FBP1: variants seen among roughly 807,000 people sequenced by gnomAD.
The protein encoded by FBP1 is fructose-1,6-bisphosphatase 1.
Under a neutral mutation model 29.9 loss-of-function variants are expected in FBP1, and 22 were observed. The observed-to-expected ratio is 0.74, with a 90% CI of 0.53 to 1.05. The LOEUF (loss-of-function observed/expected upper bound fraction) is 1.05. Ranked by LOEUF, FBP1 falls within the 50% of genes least tolerant of loss-of-function variation. FBP1 has a pLI of 0.00. For missense variants in FBP1, 345 were observed against 448.2 expected (o/e 0.77, Z 2.08); for synonymous variants, 175 against 178.6 (o/e 0.98, Z 0.16).
At chr9:94,624,324 C>A (rs1395061966) in intron 1 of FBP1, among the ~76,000 whole-genome samples, 1 of 98,206 alleles carries the variant, frequency 1.0e-5, no homozygotes, top group Admixed American at 1.3e-4. Flanking sequence ...GGCGACAAAG[C>A]GAGACTCCAT....
Position 94,603,423 on chromosome 9 carries a change from C to G in FBP1, c.975G>C (p.Val325=), listed in dbSNP as rs755592533. The part of the protein sequence containing the change: ...APVILGSPDD[V]LEFLKVYEKH... The stretch of plus-strand genomic sequence containing the variant: ...TCTCATACACCTTCAGGAACTCGAG[C>G]ACGTCGTCGGGGGATCCCAAGATCA... The change falls in exon 7 of 7, where the codon GTG becomes GTC. Residue 325 remains valine (V), a synonymous_variant. Transcript: ENST00000375326. 2.5e-6 allele frequency: 4 copies of G among 1,614,060 alleles called. No individual in the cohort carries two copies. Among genetic ancestry groups the G allele is most frequent in the Non-Finnish European group, 3.4e-6 (4 of 1,179,994 alleles).
chr9:94,636,691 C>CT (rs201439942), intron 1 of FBP1, among the ~76,000 whole-genome samples: 1 of 151,434 alleles, frequency 6.6e-6, no homozygotes, highest in Non-Finnish European at 1.5e-5. Context: ...ATGACAAGCC[C>CT]TTTTTTTTCT....
chr9:94,619,214 T>G (rs1362690187), intron 2 of FBP1, among the ~76,000 whole-genome samples: 2 of 152,088 alleles, frequency 1.3e-5, no homozygotes, highest in Non-Finnish European at 2.9e-5. Context: ...AAACATGAAC[T>G]TCAAGTCTGG....
intron 1 of FBP1, among the ~76,000 whole-genome samples, chr9:94,625,573 A>T (rs1489808092): frequency 6.6e-6 from 1 of 152,176 alleles, no homozygotes; most frequent in Non-Finnish European, 1.5e-5. Context: ...AGGCGAGCGG[A>T]TCACGAGGTC....
chr9:94,617,760 C>T lies in FBP1; in HGVS notation c.426+8G>A, dbSNP rs761151223. 1.4e-5 allele frequency: 23 copies of T among 1,588,702 alleles called. No homozygotes were observed. Among genetic ancestry groups the T allele is most frequent in the East Asian group, 8.9e-5 (4 of 44,736 alleles). ...CCCAAACCAAGTGCTTAAGATATCA[C>T]GTTTTACCTTTCTATAGATGCCAAA... On this transcript the variant is annotated splice_region_variant and intron_variant, in intron 3 of 6. Coordinates refer to ENST00000375326, the MANE Select transcript of FBP1 (RefSeq NM_000507.4).
chr9:94,613,153 G>C (rs1827810173), intron 3 of FBP1, among the ~76,000 whole-genome samples: 1 of 152,126 alleles, frequency 6.6e-6, no homozygotes, highest in South Asian at 2.1e-4. Flanking sequence ...CTACTTTTCT[G>C]AATCTCTGCT....
At chr9:94,629,448 A>G (rs1255352192) in intron 1 of FBP1, among the ~76,000 whole-genome samples, 2 of 152,240 alleles carry the variant, frequency 1.3e-5, no homozygotes, top group African/African-American at 4.8e-5. Context: ...GCCTTGGCCT[A>G]GAAAATGGAA....
intron 4 of FBP1, among the ~76,000 whole-genome samples, chr9:94,609,081 T>C (rs937089616): frequency 1.3e-5 from 2 of 151,420 alleles, no homozygotes; most frequent in Admixed American, 6.6e-5. Flanking sequence ...TCCCAGCTAC[T>C]CAGGAGCTGA....
rs768753487 is a variant in FBP1 at position 94,639,167 on chromosome 9, C to A, written c.144G>T (p.Ala48=). The part of the protein sequence containing the change: ...LCTAVKAISS[A]VRKAGIAHLY... ...GGTGCGCGATGCCCGCCTTGCGCACCGCCGAAGAGATGGCTTTGACTGCTG... is the reference window on the plus strand; with the variant it reads ...GGTGCGCGATGCCCGCCTTGCGCACAGCCGAAGAGATGGCTTTGACTGCTG... The change falls in exon 1 of 7, where the codon GCG becomes GCT. Residue 48 remains alanine, a synonymous_variant. Transcript: ENST00000375326. 4 of 1,604,450 alleles carry A rather than the reference C, an allele frequency of 2.5e-6. No homozygotes were observed. Among genetic ancestry groups the A allele is most frequent in the Non-Finnish European group, 3.4e-6 (4 of 1,175,850 alleles).
At chr9:94,637,290 C>A (rs547200840) in intron 1 of FBP1, among the ~76,000 whole-genome samples, 2 of 152,188 alleles carry the variant, frequency 1.3e-5, no homozygotes, top group South Asian at 4.1e-4. Flanking sequence ...GAAAAGGAAT[C>A]TAGATTGCAG....
chr9:94,636,811 C>T lies in FBP1; in HGVS notation c.170+2330G>A, dbSNP rs1484449899. On this transcript the variant is annotated intron_variant, in intron 1 of 6. Coordinates refer to ENST00000375326, the MANE Select transcript of FBP1 (RefSeq NM_000507.4). ...TCAAGCAATTCTCCTGCCTCAGCCT[C>T]CCAAGTAGCTGGGATTACAGGCGCC... is the stretch of plus-strand genomic sequence containing the variant. Among the ~76,000 whole-genome samples the T allele has an allele frequency of 3.3e-5, 5 of 152,168 alleles. No individual in the cohort carries two copies. In the East Asian group the frequency reaches 5.8e-4, roughly 18 times the overall value.
At chr9:94,609,879 C>G in intron 4 of FBP1, 42 bp downstream of exon 4, 1 of 1,611,370 alleles carries the variant, frequency 6.2e-7, no homozygotes, top group Non-Finnish European at 8.5e-7. Context: ...CATTTGCTCA[C>G]AGACACCAGC....
chr9:94,613,221 T>C (rs1332098548), intron 3 of FBP1, among the ~76,000 whole-genome samples: 3 of 152,082 alleles, frequency 2.0e-5, no homozygotes, highest in Non-Finnish European at 4.4e-5. Context: ...TAGAGGGTGA[T>C]CAGGCTAGAG....
chr9:94,620,029 G>A (rs1587860359), intron 2 of FBP1, among the ~76,000 whole-genome samples: 1 of 152,120 alleles, frequency 6.6e-6, no homozygotes, highest in African/African-American at 2.4e-5. Flanking sequence ...AGTACAAGAG[G>A]TGACCAACAG....
Position 94,639,390 on chromosome 9 carries a change from G to C in FBP1, c.-80C>G. On this transcript the variant is annotated 5_prime_UTR_variant, in exon 1 of 7. Transcript: ENST00000375326. ...CAGGTGCGGGCGGCAAGAGAGGGCA[G>C]TAGGCACTGGCCGCAGGTGCGGAGC... 1 of 1,491,174 alleles carries C rather than the reference G, an allele frequency of 6.7e-7. No individual in the cohort carries two copies. Among genetic ancestry groups the C allele is most frequent in the African/African-American group, 1.4e-5 (1 of 72,104 alleles). 92.4% of individuals were successfully genotyped at this position (1,491,174 alleles called of 1,614,324 possible). A position where few individuals can be genotyped will look rare whatever the true frequency, so the allele number is the denominator to read the frequency against.
intron 1 of FBP1, among the ~76,000 whole-genome samples, chr9:94,632,768 G>T (rs1214353077): frequency 6.6e-6 from 1 of 152,204 alleles, no homozygotes; most frequent in Admixed American, 6.5e-5. Context: ...AGTCTCTGAG[G>T]CTGTCTCCAT....
At position 94,616,502 on chromosome 9, in the gene FBP1, G is replaced by A. The variant is rs1166289525; in HGVS notation, c.426+1266C>T. Among the ~76,000 whole-genome samples, 5 of 131,884 alleles carry A rather than the reference G, an allele frequency of 3.8e-5. No individual in the cohort carries two copies. In the East Asian group the frequency reaches 9.9e-4, roughly 26 times the overall value. 86.5% of individuals were successfully genotyped at this position (131,884 alleles called of 152,430 possible). On this transcript the variant is annotated intron_variant, in intron 3 of 6. Transcript: ENST00000375326. ...GTTGCCCAGGCTGGAGTGCAGTGGTGTGATCTCGGCTCACTGCAACCTCCA... is the reference window on the plus strand; with the variant it reads ...GTTGCCCAGGCTGGAGTGCAGTGGTATGATCTCGGCTCACTGCAACCTCCA...
At chr9:94,632,440 C>A (rs544344292) in intron 1 of FBP1, among the ~76,000 whole-genome samples, 23 of 152,230 alleles carry the variant, frequency 1.5e-4, no homozygotes, top group African/African-American at 5.1e-4. Context: ...GAGGCTGAGG[C>A]GGGTGGATGA....
intron 1 of FBP1, among the ~76,000 whole-genome samples, chr9:94,636,463 G>A (rs1166981004): frequency 6.6e-6 from 1 of 152,032 alleles, no homozygotes; most frequent in Admixed American, 6.6e-5. Flanking sequence ...GGGCAACAGA[G>A]TGCGACTCTA....
Sources: gnomAD v4.1 joint callset for allele counts (sites outside exome capture counted in the v4.1 genomes callset) on GRCh38, gnomAD v4.1.1 for gene constraint, MANE v1.5 for transcripts, NCBI Gene and HGNC (gene_info 2026-07-23, HGNC 2026-07-21) for gene names.